The following COLGALT2 variants were observed in gnomAD, a reference collection of about 807,000 sequenced individuals.
COLGALT2 encodes collagen beta(1-O)galactosyltransferase 2.
A neutral mutation model predicts 73.4 loss-of-function variants in COLGALT2; 49 were observed. The observed-to-expected ratio is 0.67, with a 90% confidence interval of 0.53 to 0.85. The LOEUF (loss-of-function observed/expected upper bound fraction) is 0.85. Among genes scored for constraint, COLGALT2 ranks in the 40% least tolerant of loss-of-function variants. COLGALT2 has a pLI of 0.00. For synonymous variants in COLGALT2, 295 were observed against 307.6 expected (o/e 0.96, Z 0.43); for missense variants, 722 against 790.2 (o/e 0.91, Z 1.03).
intron 2 of COLGALT2, among the ~76,000 whole-genome samples, chr1:183,977,229 T>C (rs1056227826): frequency 2.6e-5 from 4 of 152,020 alleles, no homozygotes; most frequent in African/African-American, 9.7e-5. Flanking sequence ...CTCAGCACTT[T>C]GGGAGGTCAA....
chr1:183,999,136 T>A (rs1671848069), intron 1 of COLGALT2, among the ~76,000 whole-genome samples: 1 of 152,100 alleles, frequency 6.6e-6, no homozygotes, highest in Admixed American at 6.6e-5. Flanking sequence ...TGGGTAGCAT[T>A]TATTGGGTTG....
chr1:183,993,110 T>C (rs1257463174), intron 1 of COLGALT2, among the ~76,000 whole-genome samples: 1 of 152,232 alleles, frequency 6.6e-6, no homozygotes, highest in African/African-American at 2.4e-5. Flanking sequence ...CATGTATTTT[T>C]CACCAGTAAA....
At chr1:183,994,393 T>A (rs927534195) in intron 1 of COLGALT2, among the ~76,000 whole-genome samples, 1 of 151,928 alleles carries the variant, frequency 6.6e-6, no homozygotes, top group African/African-American at 2.4e-5. Context: ...ATCTTATGGA[T>A]GAGAAAATAG....
At chr1:183,930,569 C>CTTTTTTTTTTTTTTTTTTTTTTTTTTT (rs397861890) in intron 11 of COLGALT2, among the ~76,000 whole-genome samples, 3 of 114,064 alleles carry the variant, frequency 2.6e-5, no homozygotes, top group Non-Finnish European at 3.5e-5. Flanking sequence ...TTTTCTTTTT[C>CTTTTTTTTTTTTTTTTTTTTTTTTTTT]TTTTTTTTTT....
At chr1:184,027,382 C>T (rs1649363309) in intron 1 of COLGALT2, among the ~76,000 whole-genome samples, 3 of 152,184 alleles carry the variant, frequency 2.0e-5, no homozygotes, top group Admixed American at 2.0e-4. Context: ...ATGCTTAACA[C>T]ACCAATTCCT....
At chr1:183,993,724 A>G (rs1671692789) in intron 1 of COLGALT2, among the ~76,000 whole-genome samples, 1 of 152,200 alleles carries the variant, frequency 6.6e-6, no homozygotes, top group Non-Finnish European at 1.5e-5. Context: ...TCCAACATTC[A>G]AAGTTCATGT....
In COLGALT2 at chr1:183,937,455, G is replaced by T. The variant is rs1461782123; in HGVS notation, c.*1306C>A. 1 of 985,872 alleles carries T rather than the reference G, an allele frequency of 1.0e-6. No individual in the cohort carries two copies. Among genetic ancestry groups the T allele is most frequent in the Non-Finnish European group, 1.2e-6 (1 of 830,276 alleles). The allele number at this position is 985,872 out of a possible 1,614,324, so 61.1% of individuals were successfully genotyped here. On this transcript the variant is annotated 3_prime_UTR_variant, in exon 12 of 12. Coordinates refer to ENST00000361927, the MANE Select transcript of COLGALT2 (RefSeq NM_015101.4). Reference sequence around the variant, plus strand: ...GAAGAAAGCAGAAAGGACTCTTAGGGGATATCTTTTGAGAAAGGGTGTCCG... The same window carrying T: ...GAAGAAAGCAGAAAGGACTCTTAGGTGATATCTTTTGAGAAAGGGTGTCCG...
In COLGALT2 at chr1:183,963,937, T is replaced by C. The variant is rs756428005; in HGVS notation, c.916A>G (p.Ile306Val). 3.1e-6 allele frequency: 5 copies of C among 1,611,752 alleles called. No individual in the cohort carries two copies. In the South Asian group the frequency reaches 5.5e-5, roughly 18 times the overall value. Reference protein sequence around the residue: ...LKPHQTLQEDIENLIHVQIEA... With the variant: ...LKPHQTLQEDVENLIHVQIEA... The stretch of plus-strand genomic sequence containing the variant: ...ATCTGCACATGGATGAGGTTCTCGA[T>C]GTCTTCCTGCAGTGTCTGATGGGGC... Residue 306 changes from isoleucine to valine, a missense_variant, in exon 6 of 12, where the codon ATC becomes GTC. Physicochemically the swap from Ile to Val is conservative, Grantham distance 29. Coordinates refer to ENST00000361927, the MANE Select transcript of COLGALT2 (RefSeq NM_015101.4).
At chr1:183,981,063 T>C (rs946941428) in intron 1 of COLGALT2, among the ~76,000 whole-genome samples, 6 of 152,068 alleles carry the variant, frequency 3.9e-5, no homozygotes, top group Non-Finnish European at 8.8e-5. Context: ...ATTAAAACTG[T>C]GTGGTAATGA....
chr1:183,982,495 A>G lies in COLGALT2; in HGVS notation c.264-3975T>C, dbSNP rs1671380612. ...GAGCAATTCCTGAAACTCAGAATTT[A>G]CCATAAAGCACCTTATTCTTCACTT... On this transcript the variant is annotated intron_variant, in intron 1 of 11. Coordinates refer to ENST00000361927, the MANE Select transcript of COLGALT2 (RefSeq NM_015101.4). 4.6e-5 allele frequency among the ~76,000 whole-genome samples: 7 copies of G among 152,228 alleles called. No individual in the cohort carries two copies. The South Asian group carries it at 1.4e-3, about 32-fold the overall frequency.
chr1:183,932,261 T>C (rs1558304093), downstream of COLGALT2, among the ~76,000 whole-genome samples: 1 of 152,230 alleles, frequency 6.6e-6, no homozygotes. Context: ...ACTTACTACC[T>C]TAGGCAAGTT....
intron 6 of COLGALT2, among the ~76,000 whole-genome samples, chr1:183,962,617 G>A (rs563283723): frequency 2.6e-5 from 4 of 152,046 alleles, no homozygotes; most frequent in Non-Finnish European, 4.4e-5. Context: ...GTCCTTTCAA[G>A]CCTATGTCCT....
At chr1:183,966,254 A>C (rs996738181) in intron 5 of COLGALT2, among the ~76,000 whole-genome samples, 4 of 152,134 alleles carry the variant, frequency 2.6e-5, no homozygotes, top group African/African-American at 9.7e-5. Flanking sequence ...AAGAGTCTGC[A>C]CTCCCAGTGA....
At chr1:184,012,487 T>C (rs1648841396) in intron 1 of COLGALT2, among the ~76,000 whole-genome samples, 1 of 152,232 alleles carries the variant, frequency 6.6e-6, no homozygotes, top group South Asian at 2.1e-4. Context: ...TCTATTTTCA[T>C]AATAAGTATG....
rs574005942 is a variant in COLGALT2 at position 184,029,477 on chromosome 1, C to T, written c.263+7618G>A. ...GGCAAGTCAAGTCAAAGAAAGACAG[C>T]GGGGACTAACTGCAAGTGCACACAG... On this transcript the variant is annotated intron_variant, in intron 1 of 11. Transcript: ENST00000361927. Among the ~76,000 whole-genome samples the T allele has an allele frequency of 1.7e-4, 26 of 152,218 alleles. No homozygotes were observed. In the South Asian group the frequency reaches 2.5e-3, roughly 15 times the overall value.
At chr1:184,036,663 T>C (rs1557870526) in intron 1 of COLGALT2, among the ~76,000 whole-genome samples, 3 of 152,246 alleles carry the variant, frequency 2.0e-5, no homozygotes, top group Non-Finnish European at 1.5e-5. Flanking sequence ...ACGTTCCATC[T>C]GTCGTATCTA....
intron 1 of COLGALT2, among the ~76,000 whole-genome samples, chr1:184,017,201 C>T (rs1430006775): frequency 1.3e-5 from 2 of 152,194 alleles, no homozygotes; most frequent in Non-Finnish European, 2.9e-5. Context: ...CTGATATCTT[C>T]TAATTCATGT....
chr1:183,967,321 C>T (rs1670907355), intron 5 of COLGALT2, among the ~76,000 whole-genome samples: 1 of 152,240 alleles, frequency 6.6e-6, no homozygotes, highest in Non-Finnish European at 1.5e-5. Context: ...AATCTTAACT[C>T]CCAACTAACA....
intron 7 of COLGALT2, among the ~76,000 whole-genome samples, chr1:183,951,517 T>G (rs1461160181): frequency 1.3e-5 from 2 of 152,012 alleles, no homozygotes; most frequent in Non-Finnish European, 2.9e-5. Flanking sequence ...AGATACAAAG[T>G]CAACGCACAA....
Sources: allele counts gnomAD v4.1 joint callset (sites outside exome capture counted in the v4.1 genomes callset), GRCh38; gene constraint gnomAD v4.1.1; transcripts MANE v1.5; gene names NCBI Gene and HGNC (gene_info 2026-07-23, HGNC 2026-07-21).